MPRIP: variants seen among roughly 807,000 people sequenced by gnomAD.
MPRIP encodes the protein myosin phosphatase Rho-interacting protein.
A neutral mutation model predicts 234.9 loss-of-function variants in MPRIP; 59 were observed. The ratio of observed to expected loss-of-function variants is 0.25; its 90% CI spans 0.20 to 0.31. The LOEUF (loss-of-function observed/expected upper bound fraction) is 0.31. MPRIP is among the 10% of genes least tolerant of loss of function. The probability of loss-of-function intolerance (pLI) is 1.00; values close to 1 mark genes in which losing one functional copy is unlikely to be tolerated. For missense variants in MPRIP, 2,436 were observed against 3,071.0 expected (o/e 0.79, Z 4.89); for synonymous variants, 1,144 against 1,263.9 (o/e 0.91, Z 2.01).
chr17:17,050,733 T>C (rs1299995241), intron 1 of MPRIP, among the ~76,000 whole-genome samples: 3 of 152,086 alleles, frequency 2.0e-5, no homozygotes, highest in East Asian at 1.9e-4. Flanking sequence ...AGTTCTCTTC[T>C]GGGCTCTGAT....
intron 1 of MPRIP, among the ~76,000 whole-genome samples, chr17:17,064,470 T>C (rs1249791471): frequency 6.6e-6 from 1 of 152,146 alleles, no homozygotes; most frequent in Non-Finnish European, 1.5e-5. Flanking sequence ...GATGGTGACC[T>C]TCTGCAACAC....
chr17:17,095,995 T>TCCCCC (rs138116019), intron 3 of MPRIP, among the ~76,000 whole-genome samples: 2 of 151,456 alleles, frequency 1.3e-5, no homozygotes, highest in African/African-American at 4.9e-5. Flanking sequence ...AGTTTATACC[T>TCCCCC]CCCCCCCACA....
chr17:17,146,217 C>G, intron 10 of MPRIP, 125 bp downstream of exon 10: 1 of 830,058 alleles, frequency 1.2e-6, no homozygotes, highest in Non-Finnish European at 2.0e-6. Flanking sequence ...CCCTTGTCTT[C>G]ATGACCAGGG....
chr17:17,064,746 G>A (rs144119401), intron 1 of MPRIP, among the ~76,000 whole-genome samples: 1 of 152,124 alleles, frequency 6.6e-6, no homozygotes, highest in Non-Finnish European at 1.5e-5. Flanking sequence ...TTGCTGACTC[G>A]CATTCCATGG....
intron 13 of MPRIP, among the ~76,000 whole-genome samples, chr17:17,156,459 AG>A (rs2045732395): frequency 6.6e-6 from 1 of 152,216 alleles, no homozygotes; most frequent in African/African-American, 2.4e-5. Context: ...TTATTATTTG[AG>A]GAAAAATGTG....
intron 14 of MPRIP, 38 bp from the exon 15 acceptor site, chr17:17,161,202 G>A (rs1171132662): frequency 1.4e-6 from 2 of 1,471,950 alleles, no homozygotes; most frequent in Non-Finnish European, 1.9e-6. Flanking sequence ...GTTTATCATT[G>A]TCATTTTGCA....
chr17:17,111,043 G>A (rs544810401), intron 3 of MPRIP, among the ~76,000 whole-genome samples: 150 of 151,836 alleles, frequency 9.9e-4, no homozygotes, highest in African/African-American at 3.5e-3. Flanking sequence ...ATTAATAACA[G>A]GGTAAACTGG....
chr17:17,047,265 T>C (rs552098785), intron 1 of MPRIP, among the ~76,000 whole-genome samples: 14 of 152,308 alleles, frequency 9.2e-5, no homozygotes, highest in Admixed American at 8.5e-4. Flanking sequence ...TGAGCCATAG[T>C]TTGCTGACCC....
At chr17:17,163,928 TA>T (rs370017367) in intron 15 of MPRIP, among the ~76,000 whole-genome samples, 180 bp from the exon 16 acceptor site, 115 of 129,352 alleles carry the variant, frequency 8.9e-4, no homozygotes, top group Middle Eastern at 3.9e-3. Flanking sequence ...AGCTACTTAC[TA>T]AAAAAAAAAA....
intron 3 of MPRIP, among the ~76,000 whole-genome samples, chr17:17,119,473 G>A (rs1432240141): frequency 6.6e-6 from 1 of 152,264 alleles, no homozygotes; most frequent in Non-Finnish European, 1.5e-5. Context: ...AAGGGTGCCA[G>A]TCAGAGAGGA....
chr17:17,075,757 C>T lies in MPRIP; in HGVS notation c.171C>T (p.Thr57=), dbSNP rs747518522. ...GGCTGCTCCTGGCTCCAGATGGGAC[C>T]GACTTTGACAACCCAGTGCACCGGT... ...GGWLLLAPDG[T]DFDNPVHRSR... is the part of the protein sequence containing the mutation. The change falls in exon 2 of 24, where the codon ACC becomes ACT. Residue 57 remains threonine, a synonymous_variant. Transcript: ENST00000651222. 22 of 1,613,930 alleles carry T rather than the reference C, an allele frequency of 1.4e-5. 1 individual carries two copies. The Admixed American group carries it at 1.7e-4, about 12-fold the overall frequency.
At chr17:17,087,042 T>G (rs931876954) in intron 3 of MPRIP, among the ~76,000 whole-genome samples, 3 of 152,168 alleles carry the variant, frequency 2.0e-5, no homozygotes, top group Non-Finnish European at 4.4e-5. Flanking sequence ...GCTTTCTTGT[T>G]GTTTGCACCT....
At chr17:17,131,138 T>TG (rs1207081883) in intron 4 of MPRIP, among the ~76,000 whole-genome samples, 1 of 152,168 alleles carries the variant, frequency 6.6e-6, no homozygotes, top group Non-Finnish European at 1.5e-5. Flanking sequence ...ACCCTCCCTC[T>TG]GCAGGGACTG....
Position 17,165,113 on chromosome 17 carries a change from G to A in MPRIP, c.3522G>A (p.Lys1174=). Residue 1174 remains lysine, a synonymous_variant, in exon 16 of 24, where the codon AAG becomes AAA. Transcript: ENST00000651222. ...AGGAGGAAGAGCTGGAGCGCATTAA[G>A]GAAGCACATGAGAAGGTTCTGGAGA... ...REKEEELERI[K]EAHEKVLEKK... is the part of the protein sequence containing the mutation. 7.7e-7 allele frequency: 1 copy of A among 1,304,176 alleles called. No homozygotes were observed. The highest frequency in any genetic ancestry group is 1.0e-6 in the Non-Finnish European group (1 of 988,980). The allele number at this position is 1,304,176 out of a possible 1,614,324, so 80.8% of individuals were successfully genotyped here. A position where few individuals can be genotyped will look rare whatever the true frequency, so the allele number is the denominator to read the frequency against.
chr17:17,108,240 A>G (rs1335984796), intron 3 of MPRIP, among the ~76,000 whole-genome samples: 3 of 152,202 alleles, frequency 2.0e-5, no homozygotes, highest in East Asian at 1.9e-4. Context: ...GGCTCTTTAC[A>G]GCTGCATTTT....
chr17:17,103,833 T>C (rs960549557), intron 3 of MPRIP, among the ~76,000 whole-genome samples: 2 of 152,220 alleles, frequency 1.3e-5, no homozygotes, highest in African/African-American at 4.8e-5. Flanking sequence ...TTCTCTCACT[T>C]TTGATGCCCT....
At position 17,167,839 on chromosome 17, in the gene MPRIP, A is replaced by T. The variant is rs1160076085; in HGVS notation, c.6248A>T (p.Glu2083Val). ...GCCCAGATGGATGTCATGCGGGAGG[A>T]GCTGGGACACAAGGACCTGGAGGGC... ...LEAQMDVMREELGHKDLEGDA... is the reference protein window; with the variant it reads ...LEAQMDVMREVLGHKDLEGDA... Residue 2083 changes from glutamate (E) to valine (V), a missense_variant, in exon 16 of 24, where the codon GAG becomes GTG. By Grantham distance (121) the Glu-to-Val change is moderately radical (BLOSUM62 -2). This residue lies in a region of MPRIP where 1,998 missense variants were observed against 2,520.3 expected (regional missense o/e 0.79). Transcript: ENST00000651222. The surrounding 1 kb of genome is among the most constrained non-coding windows in gnomAD (Gnocchi z 5.9). The T allele has an allele frequency of 7.7e-7, 1 of 1,304,210 alleles. No individual in the cohort carries two copies. The highest frequency in any genetic ancestry group is 2.3e-5 in the Admixed American group (1 of 43,576). 80.8% of individuals were successfully genotyped at this position (1,304,210 alleles called of 1,614,324 possible). A position where few individuals can be genotyped will look rare whatever the true frequency, so the allele number is the denominator to read the frequency against.
chr17:17,113,833 A>G (rs1017085699), intron 3 of MPRIP, among the ~76,000 whole-genome samples: 1 of 150,920 alleles, frequency 6.6e-6, no homozygotes, highest in Non-Finnish European at 1.5e-5. Flanking sequence ...GTGAATGTGA[A>G]CTAGCATCTC....
At chr17:17,179,474 A>G (rs913617236) in intron 22 of MPRIP, 1 of 152,220 alleles carries the variant, frequency 6.6e-6, no homozygotes, top group African/African-American at 2.4e-5. Flanking sequence ...AAGCAAAACA[A>G]AAAACCCCAC....
Sources: gnomAD v4.1 joint callset for allele counts (sites outside exome capture counted in the v4.1 genomes callset) on GRCh38, gnomAD v4.1.1 for gene constraint, gnomAD v4.1.1 regional missense constraint, Gnocchi (gnomAD v3.1) non-coding constraint, MANE v1.5 for transcripts, NCBI Gene and HGNC (gene_info 2026-07-23, HGNC 2026-07-21) for gene names.